The following RNASET2 variants were observed in gnomAD, a reference collection of about 807,000 sequenced individuals.
RNASET2 encodes the protein ribonuclease T2, also known as ribonuclease 6.
Under a neutral mutation model 33.9 loss-of-function variants are expected in RNASET2, and 28 were observed. That is an observed-to-expected ratio of 0.83 (90% CI 0.61 to 1.13). The LOEUF is 1.13. Among genes scored for constraint, RNASET2 ranks in the 50% most tolerant of loss-of-function variants. RNASET2 has a pLI of 0.00. For missense variants in RNASET2, 330 were observed against 319.9 expected, an observed-to-expected ratio of 1.03 and a Z score of -0.24; for synonymous variants, 123 against 121.0, an observed-to-expected ratio of 1.02 and a Z score of -0.11.
At position 166,933,321 on chromosome 6, in the gene RNASET2, T is replaced by C. The variant is rs1423215916; in HGVS notation, c.492+770A>G. On this transcript the variant is annotated intron_variant, in intron 7 of 8. Transcript: ENST00000508775. This position sits in a 1 kb window ranked among gnomAD's most constrained non-coding sequence, Gnocchi z 4.1. ...CAGGTAACAAAGGAGTACAATTTTG[T>C]TTACAAAAACAGGCAACCAAGAGTT... The C allele has an allele frequency of 6.6e-6, 1 of 152,108 alleles. No homozygotes were observed. The highest frequency in any genetic ancestry group is 1.5e-5 in the Non-Finnish European group (1 of 68,022). 9.4% of individuals were successfully genotyped at this position (152,108 alleles called of 1,614,324 possible). A position where few individuals can be genotyped will look rare whatever the true frequency, so the allele number is the denominator to read the frequency against.
chr6:166,942,881 G>C (rs1353601553), intron 5 of RNASET2, 138 bp downstream of exon 5: 1 of 710,206 alleles, frequency 1.4e-6, no homozygotes, highest in African/African-American at 1.8e-5. Flanking sequence ...TCTCATAAAA[G>C]GTTGTTCAAA....
intron 8 of RNASET2, 108 bp downstream of exon 8, chr6:166,930,936 C>A: frequency 1.2e-6 from 1 of 828,354 alleles, no homozygotes; most frequent in Non-Finnish European, 2.1e-6. Flanking sequence ...GACACAAATG[C>A]ACAAATACAA....
Position 166,943,983 on chromosome 6 carries a change from G to A in RNASET2, c.262-894C>T, listed in dbSNP as rs180770845. The A allele has an allele frequency of 9.5e-5, 22 of 232,726 alleles. No homozygotes were observed. In the Middle Eastern group the frequency reaches 5.2e-3, roughly 55 times the overall value. 14.4% of individuals were successfully genotyped at this position (232,726 alleles called of 1,614,324 possible). The stretch of plus-strand genomic sequence containing the variant: ...AAAAATACAAAAATTAGCTGGGCAC[G>A]GTGCCACATGCCTGTAATCCCAGCT... On this transcript the variant is annotated intron_variant, in intron 4 of 8. Coordinates refer to ENST00000508775, the MANE Select transcript of RNASET2 (RefSeq NM_003730.6).
At chr6:166,930,177 A>G (rs1469365384) in intron 8 of RNASET2, among the ~76,000 whole-genome samples, 4 of 152,264 alleles carry the variant, frequency 2.6e-5, no homozygotes, top group Non-Finnish European at 5.9e-5. Flanking sequence ...TTGTAGGCCA[A>G]AAGGGCAACA....
intron 1 of RNASET2, chr6:166,952,808 G>T: frequency 2.2e-6 from 1 of 455,766 alleles, no homozygotes; most frequent in Non-Finnish European, 4.1e-6. Flanking sequence ...GAGGGGAAGC[G>T]GAGGCAGGGC....
chr6:166,931,479 C>T (rs1016556007), intron 7 of RNASET2: 15 of 351,404 alleles, frequency 4.3e-5, no homozygotes, highest in Non-Finnish European at 7.0e-5. Flanking sequence ...CTGCCTTTCG[C>T]GGCCCATAAA....
rs117071657 is a variant in RNASET2, at chr6:166,928,044, G to T, written c.*1544C>A. ...GCCTTCCCCACAGCTTGCAGAAGAG[G>T]GCTCAGCTCCTCCATTACAGAAGAG... On this transcript the variant is annotated 3_prime_UTR_variant, in exon 9 of 9. Coordinates refer to ENST00000508775, the MANE Select transcript of RNASET2 (RefSeq NM_003730.6). Among the ~76,000 whole-genome samples, 378 of 152,326 alleles carry T rather than the reference G, an allele frequency of 2.5e-3. 4 individuals are homozygous for T. Among genetic ancestry groups the T allele is most frequent in the African/African-American group, 8.9e-3 (370 of 41,560 alleles).
Position 166,955,377 on chromosome 6 carries a change from ACACG to A in RNASET2, c.86+716_86+719del, listed in dbSNP as rs1562507721. On this transcript the variant is annotated intron_variant, in intron 1 of 8. Coordinates refer to ENST00000508775, the MANE Select transcript of RNASET2 (RefSeq NM_003730.6). ...CACACACACACGCACACACAAACGC[ACACG>A]CACACACACACACGCGCACACACAC... The A allele has an allele frequency of 2.7e-4, 78 of 294,330 alleles. No homozygotes were observed. The African/African-American group carries it at 2.8e-3, about 11-fold the overall frequency. The allele number at this position is 294,330 out of a possible 1,614,324, so 18.2% of individuals were successfully genotyped here.
intron 1 of RNASET2, among the ~76,000 whole-genome samples, chr6:166,953,831 G>C (rs1295291938): frequency 6.7e-6 from 1 of 148,152 alleles, no homozygotes; most frequent in Non-Finnish European, 1.5e-5. Context: ...AGTGAGCCCA[G>C]ATCACATCAC....
At position 166,956,368 on chromosome 6, in the gene RNASET2, G is replaced by A; in HGVS notation, c.-186C>T. 2 of 611,494 alleles carry A rather than the reference G, an allele frequency of 3.3e-6. No homozygotes were observed. The highest frequency in any genetic ancestry group is 5.8e-6 in the Non-Finnish European group (2 of 346,068). 37.9% of individuals were successfully genotyped at this position (611,494 alleles called of 1,614,324 possible). A position where few individuals can be genotyped will look rare whatever the true frequency, so the allele number is the denominator to read the frequency against. Reference sequence around the variant, plus strand: ...GGACGGCCTAAACCAGTATCTCGCGGGCCCCGCGCCGGGCTCCGGGAATGG... The same window carrying A: ...GGACGGCCTAAACCAGTATCTCGCGAGCCCCGCGCCGGGCTCCGGGAATGG... On this transcript the variant is annotated 5_prime_UTR_variant, in exon 1 of 9. Coordinates refer to ENST00000508775, the MANE Select transcript of RNASET2 (RefSeq NM_003730.6).
intron 4 of RNASET2, 131 bp from the exon 5 acceptor site, chr6:166,943,220 A>T (rs113494530): frequency 2.9e-6 from 2 of 679,468 alleles, no homozygotes; most frequent in Non-Finnish European, 5.2e-6. Flanking sequence ...TGAATAAAAT[A>T]ATCCTATGCT....
chr6:166,925,195 A>T lies in RNASET2; in HGVS notation c.*4393T>A, dbSNP rs148567496. ...CGCCCAGCCCTCACTCCTGCCGCCC[A>T]GCCCTCACCTCTGCTGTCCAGGCAT... On this transcript the variant is annotated 3_prime_UTR_variant, in exon 9 of 9. Transcript: ENST00000508775. Among the ~76,000 whole-genome samples, 1 of 151,342 alleles carries T rather than the reference A, an allele frequency of 6.6e-6. No homozygotes were observed. The highest frequency in any genetic ancestry group is 1.9e-4 in the East Asian group (1 of 5,156).
intron 6 of RNASET2, among the ~76,000 whole-genome samples, chr6:166,937,418 T>C (rs538936002): frequency 1.3e-5 from 2 of 152,330 alleles, no homozygotes; most frequent in African/African-American, 2.4e-5. Flanking sequence ...ATTACATGCA[T>C]GAGCCACCAC....
At chr6:166,955,975 C>A in intron 1 of RNASET2, 122 bp downstream of exon 1, 1 of 1,143,458 alleles carries the variant, frequency 8.7e-7, no homozygotes, top group Non-Finnish European at 1.3e-6. Context: ...GCTCCCCCCG[C>A]CCTCCCCAGT....
chr6:166,935,389 G>T (rs1327883100), intron 6 of RNASET2, among the ~76,000 whole-genome samples: 1 of 152,038 alleles, frequency 6.6e-6, no homozygotes, highest in African/African-American at 2.4e-5. Context: ...TCTGTGGCTC[G>T]TGTTACACGT....
intron 1 of RNASET2, chr6:166,953,540 G>A (rs931395398): frequency 2.0e-4 from 30 of 152,134 alleles, no homozygotes; most frequent in African/African-American, 7.2e-4. Context: ...CAGTTAAGAT[G>A]GTATGAAAAC....
At chr6:166,930,772 CACAT>C in intron 8 of RNASET2, among the ~76,000 whole-genome samples, 2 of 150,744 alleles carry the variant, frequency 1.3e-5, no homozygotes, top group Middle Eastern at 3.4e-3. Context: ...GACATGCACA[CACAT>C]GCACACATAG....
chr6:166,956,046 C>T (rs1779156631), intron 1 of RNASET2, 51 bp downstream of exon 1: 13 of 1,519,262 alleles, frequency 8.6e-6, no homozygotes, highest in Non-Finnish European at 1.2e-5. Context: ...CAGTGGAAAG[C>T]TCTAGGGCCC....
At chr6:166,950,253 C>T (rs1414018531) in intron 2 of RNASET2, among the ~76,000 whole-genome samples, 4 of 152,196 alleles carry the variant, frequency 2.6e-5, no homozygotes, top group Non-Finnish European at 4.4e-5. Flanking sequence ...AGCAATCCCT[C>T]CCTATCTCAG....
Sources: gnomAD v4.1 joint callset for allele counts (sites outside exome capture counted in the v4.1 genomes callset) on GRCh38, gnomAD v4.1.1 for gene constraint, Gnocchi (gnomAD v3.1) non-coding constraint, MANE v1.5 for transcripts, NCBI Gene and HGNC (gene_info 2026-07-23, HGNC 2026-07-21) for gene names.